Variants in LIPC observed in about 807,000 individuals in gnomAD.
LIPC encodes the protein lipase C, hepatic type.
In LIPC, 44 loss-of-function variants were observed where a neutral mutation model predicts 50.7. That is an observed-to-expected ratio of 0.87 (90% CI 0.68 to 1.11). The LOEUF is 1.11. Among genes scored for constraint, LIPC ranks in the 50% most tolerant of loss-of-function variants. The pLI is 0.00. For missense variants in LIPC, 697 were observed against 648.2 expected (o/e 1.08, Z -0.82); for synonymous variants, 271 against 256.4 (o/e 1.06, Z -0.54).
At position 58,548,520 on chromosome 15, in the gene LIPC, G is replaced by T. The variant is rs1456139910; in HGVS notation, c.999G>T (p.Arg333=). The change falls in exon 6 of 9, where the codon CGG becomes CGT. Residue 333 remains arginine, a synonymous_variant. Transcript: ENST00000299022. ...TLGYHVRQEP[R]SKSKRLFLVT... Reference sequence around the variant, plus strand: ...GCTACCACGTCCGCCAGGAGCCGCGGAGCAAGAGCAAGAGGCTCTTCCTCG... The same window carrying T: ...GCTACCACGTCCGCCAGGAGCCGCGTAGCAAGAGCAAGAGGCTCTTCCTCG... 6 of 1,599,642 alleles carry T rather than the reference G, an allele frequency of 3.8e-6. No individual in the cohort carries two copies. Among genetic ancestry groups the T allele is most frequent in the Non-Finnish European group, 5.1e-6 (6 of 1,172,844 alleles).
At chr15:58,472,561 G>C (rs1242852470) in intron 1 of LIPC, among the ~76,000 whole-genome samples, 1 of 138,044 alleles carries the variant, frequency 7.2e-6, no homozygotes, top group East Asian at 2.1e-4. Flanking sequence ...GGGCAAGAGA[G>C]TGAGACTCTT....
chr15:58,539,248 CCATTT>C (rs1219243169), intron 2 of LIPC, among the ~76,000 whole-genome samples: 2 of 152,176 alleles, frequency 1.3e-5, no homozygotes, highest in African/African-American at 4.8e-5. Flanking sequence ...TACAACTTAT[CCATTT>C]CAAGTTTACA....
chr15:58,568,703 G>C lies in LIPC; in HGVS notation c.1389-13G>C, dbSNP rs1355215376. 1 of 1,488,428 alleles carries C rather than the reference G, an allele frequency of 6.7e-7. No homozygotes were observed. Among genetic ancestry groups the C allele is most frequent in the Non-Finnish European group, 9.4e-7 (1 of 1,067,678 alleles). 92.2% of individuals were successfully genotyped at this position (1,488,428 alleles called of 1,614,324 possible). A position where few individuals can be genotyped will look rare whatever the true frequency, so the allele number is the denominator to read the frequency against. The stretch of plus-strand genomic sequence containing the variant: ...AAACTTAATGCTGTGTTTGCTTCCT[G>C]TTTTCTATTCAGAATGACATTTTGT... On this transcript the variant is annotated splice_polypyrimidine_tract_variant and intron_variant, in intron 8 of 8. Coordinates refer to ENST00000299022, the MANE Select transcript of LIPC (RefSeq NM_000236.3).
intron 1 of LIPC, among the ~76,000 whole-genome samples, chr15:58,439,020 T>G (rs1213379711): frequency 6.6e-6 from 1 of 152,214 alleles, no homozygotes; most frequent in African/African-American, 2.4e-5. Flanking sequence ...TTGTGCAGGT[T>G]CATATTCAGG....
intron 4 of LIPC, among the ~76,000 whole-genome samples, chr15:58,544,391 C>CT (rs572161614): frequency 0.44 from 47,885 of 107,760 alleles, 10,137 homozygotes; most frequent in Admixed American, 0.55. Context: ...TTCTTTTTCT[C>CT]TTTCTTTTTT....
intron 1 of LIPC, among the ~76,000 whole-genome samples, chr15:58,475,499 C>T (rs141321846): frequency 3.3e-5 from 5 of 152,292 alleles, no homozygotes; most frequent in African/African-American, 1.2e-4. Context: ...CCCAACTCAA[C>T]TATTACCTTC....
intron 1 of LIPC, among the ~76,000 whole-genome samples, chr15:58,506,884 C>G (rs1477071225): frequency 2.6e-5 from 4 of 152,248 alleles, no homozygotes; most frequent in Non-Finnish European, 4.4e-5. Flanking sequence ...ACTCACAGTT[C>G]AGCATGGCTT....
chr15:58,434,618 A>G (rs1395468363), intron 1 of LIPC, among the ~76,000 whole-genome samples: 2 of 152,234 alleles, frequency 1.3e-5, no homozygotes, highest in Non-Finnish European at 2.9e-5. Flanking sequence ...CCTCTCACAG[A>G]GAGGGAGATT....
intron 2 of LIPC, among the ~76,000 whole-genome samples, chr15:58,540,352 T>C (rs1893278634): frequency 6.6e-6 from 1 of 152,180 alleles, no homozygotes; most frequent in Non-Finnish European, 1.5e-5. Flanking sequence ...TTCCAGACAC[T>C]GCTCTAAGCG....
In LIPC at chr15:58,562,812, C is replaced by CA. The variant is rs1246166055; in HGVS notation, c.1170-693_1170-692insA. On this transcript the variant is annotated intron_variant, in intron 7 of 8. Coordinates refer to ENST00000299022, the MANE Select transcript of LIPC (RefSeq NM_000236.3). ...TGCCAAGCCACACAAGGGACCCCCCCCCAACCCCACCATCCATCTGCCTCG... is the reference window on the plus strand; with the variant it reads ...TGCCAAGCCACACAAGGGACCCCCCCACCAACCCCACCATCCATCTGCCTCG... 1.2e-3 allele frequency among the ~76,000 whole-genome samples: 178 copies of CA among 151,704 alleles called. 1 individual carries two copies. The highest frequency in any genetic ancestry group is 4.0e-3 in the African/African-American group (166 of 41,256).
chr15:58,527,348 C>A (rs1277533226), intron 1 of LIPC, among the ~76,000 whole-genome samples: 1 of 152,098 alleles, frequency 6.6e-6, no homozygotes, highest in African/African-American at 2.4e-5. Flanking sequence ...TGAGAGTCAC[C>A]AAGCGCCTCA....
In LIPC at chr15:58,545,752, C is replaced by T. The variant is rs149322349; in HGVS notation, c.585C>T (p.Ala195=). ...HKIGRITGLD[A]AGPLFEGSAP... The stretch of plus-strand genomic sequence containing the variant: ...CTGCTTTCCCATTAGGGCTGGATGC[C>T]GCGGGACCTTTGTTTGAGGGAAGTG... Residue 195 remains alanine, a synonymous_variant, in exon 5 of 9, where the codon GCC becomes GCT. Transcript: ENST00000299022. The T allele has an allele frequency of 1.2e-5, 20 of 1,614,124 alleles. No homozygotes were observed. The highest frequency in any genetic ancestry group is 1.6e-5 in the Non-Finnish European group (19 of 1,179,982).
At chr15:58,435,234 A>G (rs1247316041) in intron 1 of LIPC, 1 of 152,234 alleles carries the variant, frequency 6.6e-6, no homozygotes, top group Non-Finnish European at 1.5e-5. Flanking sequence ...AATCTCTCTA[A>G]TATCTGGCTT....
At chr15:58,562,813 C>CA (rs386383144) in intron 7 of LIPC, among the ~76,000 whole-genome samples, 3 of 150,974 alleles carry the variant, frequency 2.0e-5, no homozygotes, top group Non-Finnish European at 4.4e-5. Context: ...GGACCCCCCC[C>CA]CAACCCCACC....
chr15:58,496,760 A>AAAAAAAAAAAAAAAAAAAAAAAC (rs1891781807), intron 1 of LIPC, among the ~76,000 whole-genome samples: 1 of 141,942 alleles, frequency 7.0e-6, no homozygotes, highest in Non-Finnish European at 1.6e-5. Context: ...AAAAAAAAAA[A>AAAAAAAAAAAAAAAAAAAAAAAC]TTAAGATGGA....
chr15:58,473,045 G>C (rs1890866250), intron 1 of LIPC, among the ~76,000 whole-genome samples: 1 of 152,176 alleles, frequency 6.6e-6, no homozygotes, highest in African/African-American at 2.4e-5. Flanking sequence ...TGGACGCCTG[G>C]ACAGCTGGGG....
intron 1 of LIPC, among the ~76,000 whole-genome samples, chr15:58,512,404 T>A (rs975306234): frequency 2.6e-5 from 4 of 152,160 alleles, no homozygotes; most frequent in African/African-American, 9.7e-5. Context: ...ACCTGGCTGT[T>A]TTTCTCTAAG....
chr15:58,548,276 T>C, intron 5 of LIPC, 54 bp from the exon 6 acceptor site: 2 of 1,612,994 alleles, frequency 1.2e-6, no homozygotes, highest in South Asian at 1.1e-5. Context: ...ATCCTCTGAG[T>C]TGAGGCTGCT....
intron 1 of LIPC, among the ~76,000 whole-genome samples, chr15:58,473,095 C>T (rs1221982048): frequency 2.6e-5 from 4 of 152,278 alleles, no homozygotes; most frequent in South Asian, 4.1e-4. Flanking sequence ...CCTCTGCAGT[C>T]CCAGCAGCTG....
Sources: allele counts gnomAD v4.1 joint callset (sites outside exome capture counted in the v4.1 genomes callset), GRCh38; gene constraint gnomAD v4.1.1; transcripts MANE v1.5; gene names NCBI Gene and HGNC (gene_info 2026-07-23, HGNC 2026-07-21).